Variants in GRID1 observed in about 807,000 individuals in gnomAD.
GRID1 encodes the protein glutamate receptor ionotropic, delta-1.
Under a neutral mutation model 98.0 loss-of-function variants are expected in GRID1, and 28 were observed. The ratio of observed to expected loss-of-function variants is 0.29; its 90% CI spans 0.21 to 0.39. The LOEUF (loss-of-function observed/expected upper bound fraction) is 0.39. Among genes scored for constraint, GRID1 ranks in the 10% least tolerant of loss-of-function variants. GRID1 has a pLI of 1.00. For synonymous variants in GRID1, 553 were observed against 538.5 expected, an observed-to-expected ratio of 1.03 and a Z score of -0.37; for missense variants, 1,111 against 1,340.5, an observed-to-expected ratio of 0.83 and a Z score of 2.67.
intron 4 of GRID1, among the ~76,000 whole-genome samples, chr10:86,031,618 C>T (rs1843186614): frequency 6.6e-6 from 1 of 151,968 alleles, no homozygotes; most frequent in African/African-American, 2.4e-5. Flanking sequence ...TTAGGTTTTC[C>T]ACCTCTGCCC....
intron 2 of GRID1, among the ~76,000 whole-genome samples, chr10:86,316,917 A>G (rs1847907653): frequency 6.6e-6 from 1 of 152,212 alleles, no homozygotes. Context: ...AATCACAAGA[A>G]TCACCCCCAC....
intron 4 of GRID1, among the ~76,000 whole-genome samples, chr10:85,985,119 C>T (rs1842593656): frequency 6.6e-6 from 1 of 152,130 alleles, no homozygotes; most frequent in South Asian, 2.1e-4. Flanking sequence ...CCAGACATTG[C>T]CAAATGTTGT....
At chr10:85,681,995 T>G (rs944395974) in intron 12 of GRID1, among the ~76,000 whole-genome samples, 1 of 151,802 alleles carries the variant, frequency 6.6e-6, no homozygotes, top group Admixed American at 6.6e-5. Context: ...CCCTCATGTC[T>G]TGGAGTGTTC....
chr10:86,139,051 A>T, intron 3 of GRID1, 27 bp from the exon 4 acceptor site: 1 of 1,543,620 alleles, frequency 6.5e-7, no homozygotes, highest in Non-Finnish European at 9.0e-7. Flanking sequence ...GAGGAGGAAA[A>T]GAAAAATCAT....
chr10:86,253,240 G>A (rs941841167), intron 2 of GRID1, among the ~76,000 whole-genome samples: 13 of 152,210 alleles, frequency 8.5e-5, no homozygotes, highest in Admixed American at 6.5e-4. Flanking sequence ...TCCAAAAGCC[G>A]GGTTCCACAT....
intron 2 of GRID1, among the ~76,000 whole-genome samples, chr10:86,240,155 G>A (rs1014738606): frequency 1.3e-5 from 2 of 152,188 alleles, no homozygotes; most frequent in African/African-American, 4.8e-5. Context: ...CAGCCTGAGG[G>A]ACTTTGTTAT....
At chr10:85,878,347 A>G (rs1280857825) in intron 5 of GRID1, among the ~76,000 whole-genome samples, 2 of 152,166 alleles carry the variant, frequency 1.3e-5, no homozygotes, top group African/African-American at 4.8e-5. Context: ...AATGAAGGAA[A>G]AAATGTTAAG....
rs763485889 is a variant in GRID1 at position 85,905,029 on chromosome 10, A to G, written c.780+11157T>C. Among the ~76,000 whole-genome samples, 3 of 152,112 alleles carry G rather than the reference A, an allele frequency of 2.0e-5. No homozygotes were observed. The South Asian group carries it at 6.2e-4, about 32-fold the overall frequency. On this transcript the variant is annotated intron_variant, in intron 5 of 15. Coordinates refer to ENST00000327946, the MANE Select transcript of GRID1 (RefSeq NM_017551.3). ...AAGTCCAAGAAGCTCAACAAAGTGC[A>G]GGCACACACACAAAAATAAAAACAA...
intron 4 of GRID1, among the ~76,000 whole-genome samples, chr10:86,084,779 C>A (rs1196180997): frequency 6.6e-6 from 1 of 152,100 alleles, no homozygotes; most frequent in African/African-American, 2.4e-5. Flanking sequence ...AAGCCGCTCA[C>A]AACAGAATAC....
intron 4 of GRID1, among the ~76,000 whole-genome samples, chr10:85,995,862 G>A (rs965777113): frequency 9.9e-5 from 15 of 152,170 alleles, no homozygotes; most frequent in African/African-American, 3.4e-4. Context: ...TCTAACAAGC[G>A]GTTTATGAAG....
chr10:85,624,372 C>CAT (rs1370359915), intron 13 of GRID1, among the ~76,000 whole-genome samples: 1 of 152,168 alleles, frequency 6.6e-6, no homozygotes, highest in Non-Finnish European at 1.5e-5. Context: ...TAGCATAAGG[C>CAT]TGGTGGAAAC....
intron 15 of GRID1, among the ~76,000 whole-genome samples, chr10:85,609,144 G>A (rs887463435): frequency 7.9e-5 from 12 of 152,136 alleles, no homozygotes; most frequent in Non-Finnish European, 1.5e-4. Flanking sequence ...AGGCAGCAGG[G>A]GTACAGAGGT....
chr10:85,894,639 T>A (rs950903426), intron 5 of GRID1, among the ~76,000 whole-genome samples: 2 of 152,164 alleles, frequency 1.3e-5, no homozygotes, highest in Non-Finnish European at 2.9e-5. Flanking sequence ...ATTGTACTTT[T>A]AAAAGTTTAT....
At chr10:85,871,920 T>C (rs1843281871) in intron 5 of GRID1, among the ~76,000 whole-genome samples, 1 of 152,212 alleles carries the variant, frequency 6.6e-6, no homozygotes, top group African/African-American at 2.4e-5. Context: ...ACTACTAAAC[T>C]GTATTTCAGA....
Position 86,236,432 on chromosome 10 carries a change from T to C in GRID1, c.236-29784A>G, listed in dbSNP as rs1323531417. ...GATGATGAGTGCCTAGTGTGTCACA[T>C]AGGCCATTGAAAAACGGAGCCACCA... On this transcript the variant is annotated intron_variant, in intron 2 of 15. Coordinates refer to ENST00000327946, the MANE Select transcript of GRID1 (RefSeq NM_017551.3). Among the ~76,000 whole-genome samples the C allele has an allele frequency of 3.3e-5, 5 of 152,206 alleles. No individual in the cohort carries two copies. In the South Asian group the frequency reaches 8.3e-4, roughly 25 times the overall value.
intron 4 of GRID1, among the ~76,000 whole-genome samples, chr10:86,044,683 T>C (rs1480991374): frequency 1.3e-5 from 2 of 152,192 alleles, no homozygotes; most frequent in Non-Finnish European, 2.9e-5. Flanking sequence ...TGTGCAACCA[T>C]AGTATGTGGC....
intron 6 of GRID1, among the ~76,000 whole-genome samples, 198 bp downstream of exon 6, chr10:85,868,812 T>C (rs1453367250): frequency 6.6e-6 from 1 of 152,198 alleles, no homozygotes; most frequent in Non-Finnish European, 1.5e-5. Flanking sequence ...ATAAGCCCTG[T>C]CTGCTGACAA....
chr10:86,253,423 T>A (rs564901630), intron 2 of GRID1, among the ~76,000 whole-genome samples: 1 of 152,356 alleles, frequency 6.6e-6, no homozygotes, highest in African/African-American at 2.4e-5. Flanking sequence ...CTCCTGAATG[T>A]GTGCAGGGAG....
At chr10:85,727,443 G>A (rs1841772872) in intron 10 of GRID1, among the ~76,000 whole-genome samples, 1 of 152,148 alleles carries the variant, frequency 6.6e-6, no homozygotes, top group African/African-American at 2.4e-5. Flanking sequence ...TCAACACATA[G>A]CAATGTAGAC....
Sources: gnomAD v4.1 joint callset for allele counts (sites outside exome capture counted in the v4.1 genomes callset) on GRCh38, gnomAD v4.1.1 for gene constraint, MANE v1.5 for transcripts, NCBI Gene and HGNC (gene_info 2026-07-23, HGNC 2026-07-21) for gene names.